The following ABLIM1 variants were observed in gnomAD, a reference collection of about 807,000 sequenced individuals.
ABLIM1 encodes the protein actin-binding LIM protein 1.
ABLIM1 carries 40 observed loss-of-function variants against 107.0 expected under a neutral mutation model. The observed-to-expected ratio is 0.37, with a 90% CI of 0.29 to 0.49. The LOEUF (loss-of-function observed/expected upper bound fraction) is 0.49, where lower values mean the gene tolerates loss of function less well. Among genes scored for constraint, ABLIM1 ranks in the 20% least tolerant of loss-of-function variants. ABLIM1 has a pLI of 0.97. For synonymous variants in ABLIM1, 357 were observed against 357.3 expected, an observed-to-expected ratio of 1.00 and a Z score of 0.01; for missense variants, 857 against 1,008.5, an observed-to-expected ratio of 0.85 and a Z score of 2.04.
At chr10:114,777,474 C>T in the ABLIM1 span, among the ~76,000 whole-genome samples, 7 of 152,168 alleles carry the variant, frequency 4.6e-5, no homozygotes, top group Non-Finnish European at 8.8e-5. Flanking sequence ...CCTGCCCCTT[C>T]ACAAATTTTG....
intron 1 of ABLIM1, among the ~76,000 whole-genome samples, chr10:114,608,957 G>A (rs1362409422): frequency 6.6e-6 from 1 of 151,958 alleles, no homozygotes; most frequent in East Asian, 1.9e-4. Context: ...GGAGGGTGCA[G>A]TGAGCCGAGA....
chr10:114,787,503 G>C, the ABLIM1 span, among the ~76,000 whole-genome samples: 2 of 141,898 alleles, frequency 1.4e-5, no homozygotes, highest in Admixed American at 6.9e-5. Flanking sequence ...CCCTCTGCCC[G>C]GCCAGCCGCC....
chr10:114,627,728 A>T (rs2077908035), intron 1 of ABLIM1, among the ~76,000 whole-genome samples: 1 of 152,252 alleles, frequency 6.6e-6, no homozygotes, highest in Admixed American at 6.5e-5. Context: ...GGCCTTTATT[A>T]GTCCTTCTGT....
At chr10:114,583,886 A>G (rs931623744) in intron 2 of ABLIM1, among the ~76,000 whole-genome samples, 3 of 152,120 alleles carry the variant, frequency 2.0e-5, no homozygotes, top group Non-Finnish European at 2.9e-5. Flanking sequence ...CAAATACTGC[A>G]TGTTCTCACT....
the ABLIM1 span, among the ~76,000 whole-genome samples, chr10:114,777,525 G>A: frequency 6.6e-6 from 1 of 152,206 alleles, no homozygotes; most frequent in South Asian, 2.1e-4. Flanking sequence ...TAAAATAATT[G>A]AGGGTAACTG....
the ABLIM1 span, among the ~76,000 whole-genome samples, chr10:114,787,637 G>A: frequency 2.1e-5 from 3 of 141,614 alleles, no homozygotes; most frequent in African/African-American, 7.8e-5. Flanking sequence ...GGGTGCCTCT[G>A]CCCGGCCGCC....
intron 1 of ABLIM1, among the ~76,000 whole-genome samples, chr10:114,665,540 T>C (rs923576832): frequency 6.6e-6 from 1 of 152,212 alleles, no homozygotes; most frequent in African/African-American, 2.4e-5. Context: ...CTTCCACATA[T>C]AAACAACTCT....
At position 114,488,012 on chromosome 10, in the gene ABLIM1, G is replaced by A. The variant is rs780541610; in HGVS notation, c.987C>T (p.Ser329=). The A allele has an allele frequency of 6.2e-7, 1 of 1,614,158 alleles. No individual in the cohort carries two copies. Among genetic ancestry groups the A allele is most frequent in the Non-Finnish European group, 8.5e-7 (1 of 1,180,024 alleles). Residue 329 remains serine, a synonymous_variant, in exon 8 of 23, where the codon TCC becomes TCT. Transcript: ENST00000533213. ...GCTTACAGTCGGGATGCCAAACGGT[G>A]GAGCCTGAGAAGACAGAATGCACTA... ...TEGEEMYLQG[S]TVWHPDCKQS... is the part of the protein sequence containing the mutation.
rs533426757 is a variant in ABLIM1 at position 114,432,802 on chromosome 10, A to C, written c.*3458T>G. 1.2e-4 allele frequency: 19 copies of C among 152,310 alleles called. 1 individual carries two copies. The South Asian group carries it at 3.5e-3, about 28-fold the overall frequency. The allele number at this position is 152,310 out of a possible 1,614,324, so 9.4% of individuals were successfully genotyped here. On this transcript the variant is annotated 3_prime_UTR_variant, in exon 23 of 23. Transcript: ENST00000533213. Reference sequence around the variant, plus strand: ...TAGAAAACTACCCCCATTTAAAAAAAAACAACAACTCATTAACTCTATCTC... The same window carrying C: ...TAGAAAACTACCCCCATTTAAAAAACAACAACAACTCATTAACTCTATCTC...
intron 8 of ABLIM1, among the ~76,000 whole-genome samples, chr10:114,479,038 C>T (rs755997330): frequency 6.6e-6 from 1 of 152,184 alleles, no homozygotes; most frequent in African/African-American, 2.4e-5. Context: ...CAAACCTGGG[C>T]TCTACTAGTT....
chr10:114,534,426 A>T (rs909666378), intron 6 of ABLIM1, among the ~76,000 whole-genome samples: 4 of 129,150 alleles, frequency 3.1e-5, no homozygotes, highest in African/African-American at 1.2e-4. Context: ...AATCCCAGCC[A>T]TTTCTCAACT....
intron 1 of ABLIM1, among the ~76,000 whole-genome samples, chr10:114,722,275 G>A (rs373085444): frequency 6.6e-6 from 1 of 152,138 alleles, no homozygotes. Context: ...GGGGAAGCAG[G>A]TACGTTTTCA....
intron 1 of ABLIM1, among the ~76,000 whole-genome samples, chr10:114,695,358 C>T (rs1374926477): frequency 6.6e-6 from 1 of 152,130 alleles, no homozygotes; most frequent in Non-Finnish European, 1.5e-5. Context: ...TCATTTAATA[C>T]TCACACCCCC....
the ABLIM1 span, among the ~76,000 whole-genome samples, chr10:114,788,398 G>A: frequency 1.3e-5 from 2 of 150,164 alleles, no homozygotes; most frequent in Non-Finnish European, 3.0e-5. Context: ...TAGTAGCAGA[G>A]CTGTGAGTCA....
chr10:114,446,318 A>C (rs1565257348), intron 15 of ABLIM1, among the ~76,000 whole-genome samples: 2 of 152,214 alleles, frequency 1.3e-5, no homozygotes, highest in Non-Finnish European at 2.9e-5. Context: ...ATGGTCACAA[A>C]AGAGTTTTAT....
At chr10:114,665,699 T>C (rs867482724) in intron 1 of ABLIM1, among the ~76,000 whole-genome samples, 9 of 152,228 alleles carry the variant, frequency 5.9e-5, no homozygotes, top group South Asian at 2.1e-4. Context: ...TGATTCAATA[T>C]TAACAGCCTC....
chr10:114,473,799 G>A lies in ABLIM1; in HGVS notation c.1119+80C>T, dbSNP rs576748007. The stretch of plus-strand genomic sequence containing the variant: ...TAGAAATCACTTTGAATCAGTTTTT[G>A]TTTTGGATTACCCATTCTGCTATTA... On this transcript the variant is annotated intron_variant, in intron 9 of 22. Coordinates refer to ENST00000533213, the MANE Select transcript of ABLIM1 (RefSeq NM_002313.7). 1.7e-5 allele frequency: 19 copies of A among 1,107,872 alleles called. No homozygotes were observed. In the African/African-American group the frequency reaches 2.2e-4, roughly 13 times the overall value. The allele number at this position is 1,107,872 out of a possible 1,614,324, so 68.6% of individuals were successfully genotyped here.
At chr10:114,601,241 C>A (rs1009158339) in intron 2 of ABLIM1, among the ~76,000 whole-genome samples, 1 of 151,278 alleles carries the variant, frequency 6.6e-6, no homozygotes, top group African/African-American at 2.4e-5. Flanking sequence ...AACCACAGAA[C>A]TGTATTTTTA....
chr10:114,512,907 G>A (rs912269361), intron 6 of ABLIM1, among the ~76,000 whole-genome samples: 97 of 134,534 alleles, frequency 7.2e-4, no homozygotes, highest in African/African-American at 2.7e-3. Flanking sequence ...AAGGAAGGAA[G>A]GAAAGAAAGA....
Sources: allele counts gnomAD v4.1 joint callset (sites outside exome capture counted in the v4.1 genomes callset), GRCh38; gene constraint gnomAD v4.1.1; transcripts MANE v1.5; gene names NCBI Gene and HGNC (gene_info 2026-07-23, HGNC 2026-07-21).